The following DNM3 variants were observed in gnomAD, a reference collection of about 807,000 sequenced individuals.
DNM3 encodes dynamin-3.
A neutral mutation model predicts 101.6 loss-of-function variants in DNM3; 47 were observed. That is an observed-to-expected ratio of 0.46 (90% CI 0.37 to 0.59). DNM3 has a LOEUF of 0.59. DNM3 is among the 20% of genes least tolerant of loss of function. The probability of loss-of-function intolerance (pLI) is 0.00; values close to 1 mark genes in which losing one functional copy is unlikely to be tolerated. For synonymous variants in DNM3, 385 were observed against 387.9 expected, an observed-to-expected ratio of 0.99 and a Z score of 0.09; for missense variants, 849 against 1,085.7, an observed-to-expected ratio of 0.78 and a Z score of 3.06.
chr1:172,127,384 A>AATT (rs747494041), intron 13 of DNM3, among the ~76,000 whole-genome samples: 103 of 115,648 alleles, frequency 8.9e-4, no homozygotes, highest in African/African-American at 2.3e-3. Flanking sequence ...CTTACTCTCT[A>AATT]CTTATTATTA....
At position 172,113,368 on chromosome 1, in the gene DNM3, A is replaced by G. The variant is rs78070712; in HGVS notation, c.1546-17807A>G. 4.7e-4 allele frequency among the ~76,000 whole-genome samples: 71 copies of G among 152,010 alleles called. No homozygotes were observed. In the East Asian group the frequency reaches 0.013, roughly 28 times the overall value. Reference sequence around the variant, plus strand: ...CTTTCTGCCACTCCCCCACTTTTTTACAATTGAGGAACAGATGTACTCAAA... The same window carrying G: ...CTTTCTGCCACTCCCCCACTTTTTTGCAATTGAGGAACAGATGTACTCAAA... On this transcript the variant is annotated intron_variant, in intron 13 of 20. Transcript: ENST00000627582.
chr1:172,241,795 T>C (rs2061757992), intron 14 of DNM3, among the ~76,000 whole-genome samples: 3 of 152,142 alleles, frequency 2.0e-5, no homozygotes, highest in Admixed American at 2.0e-4. Flanking sequence ...TGCCGGTCTC[T>C]CATTTGACTC....
chr1:172,232,910 G>A (rs1248890061), intron 14 of DNM3, among the ~76,000 whole-genome samples: 3 of 152,156 alleles, frequency 2.0e-5, no homozygotes, highest in Non-Finnish European at 4.4e-5. Context: ...GAAATTTATA[G>A]CACTAAATGC....
At chr1:171,884,515 T>A (rs910268861) in intron 1 of DNM3, among the ~76,000 whole-genome samples, 8 of 152,230 alleles carry the variant, frequency 5.3e-5, no homozygotes, top group Non-Finnish European at 8.8e-5. Flanking sequence ...CCATTTGCCC[T>A]GCAATAAGCC....
At chr1:172,283,916 A>G (rs1007585668) in intron 15 of DNM3, among the ~76,000 whole-genome samples, 1 of 152,134 alleles carries the variant, frequency 6.6e-6, no homozygotes, top group Non-Finnish European at 1.5e-5. Context: ...CTAAGTTTTT[A>G]TAAAAGGTTG....
At chr1:172,154,383 A>G (rs1406110828) in intron 14 of DNM3, among the ~76,000 whole-genome samples, 1 of 152,010 alleles carries the variant, frequency 6.6e-6, no homozygotes, top group African/African-American at 2.4e-5. Flanking sequence ...AGCATTTGAG[A>G]GTGTGTTTAG....
rs199766401 is a variant in DNM3 at position 171,963,601 on chromosome 1, T to C, written c.236-24055T>C. 7.2e-5 allele frequency among the ~76,000 whole-genome samples: 11 copies of C among 152,222 alleles called. No individual in the cohort carries two copies. In the East Asian group the frequency reaches 1.5e-3, roughly 21 times the overall value. ...GTGATGCATGTTGATATTGGGGTAA[T>C]GCATATGCAGGGGCAGGAGGTGGGA... On this transcript the variant is annotated intron_variant, in intron 2 of 20. Transcript: ENST00000627582.
At chr1:172,034,420 C>A (rs1346342302) in intron 6 of DNM3, among the ~76,000 whole-genome samples, 1 of 151,794 alleles carries the variant, frequency 6.6e-6, no homozygotes, top group Non-Finnish European at 1.5e-5. Context: ...ACAAAAAATA[C>A]AAATAAACTG....
At chr1:171,887,222 C>A (rs927730368) in intron 1 of DNM3, among the ~76,000 whole-genome samples, 3 of 152,110 alleles carry the variant, frequency 2.0e-5, no homozygotes, top group Non-Finnish European at 4.4e-5. Context: ...TTTTAGAAAT[C>A]ATCTAATCTA....
chr1:171,965,575 G>A (rs1043811736), intron 2 of DNM3, among the ~76,000 whole-genome samples: 8 of 151,648 alleles, frequency 5.3e-5, no homozygotes, highest in African/African-American at 1.2e-4. Flanking sequence ...GGGTTGTTGC[G>A]GGGGATGGAT....
intron 14 of DNM3, among the ~76,000 whole-genome samples, chr1:172,179,111 C>T (rs2059257093): frequency 6.6e-6 from 1 of 151,902 alleles, no homozygotes; most frequent in Non-Finnish European, 1.5e-5. Context: ...CAGAATGTCA[C>T]CTCTAATTTT....
Position 172,408,218 on chromosome 1 carries a change from C to A in DNM3, c.*377C>A, listed in dbSNP as rs2071027507. On this transcript the variant is annotated 3_prime_UTR_variant, in exon 21 of 21. Transcript: ENST00000627582. ...CAGATATGAGATAGTGGGCTTAGAC[C>A]TAAGCCATACATATTTCTTTTCCCA... 9.8e-7 allele frequency: 1 copy of A among 1,021,928 alleles called. No homozygotes were observed. The highest frequency in any genetic ancestry group is 5.2e-5 in the Admixed American group (1 of 19,264). 63.3% of individuals were successfully genotyped at this position (1,021,928 alleles called of 1,614,324 possible).
intron 4 of DNM3, among the ~76,000 whole-genome samples, chr1:172,017,221 A>T (rs796234536): frequency 1.8e-4 from 28 of 152,058 alleles, no homozygotes; most frequent in African/African-American, 6.5e-4. Flanking sequence ...TCTAGTTCTT[A>T]TTATTTCTTT....
chr1:172,260,136 G>A (rs1228900946), intron 15 of DNM3, among the ~76,000 whole-genome samples: 1 of 152,092 alleles, frequency 6.6e-6, no homozygotes, highest in Non-Finnish European at 1.5e-5. Context: ...TTGGCACTGT[G>A]AAGATATCAT....
At chr1:172,352,289 C>A (rs777202547) in intron 17 of DNM3, among the ~76,000 whole-genome samples, 3 of 152,144 alleles carry the variant, frequency 2.0e-5, no homozygotes, top group Non-Finnish European at 4.4e-5. Flanking sequence ...CCATTAAAGG[C>A]TAAAAAAGTC....
At chr1:171,860,275 A>C (rs1261602144) in intron 1 of DNM3, among the ~76,000 whole-genome samples, 1 of 152,198 alleles carries the variant, frequency 6.6e-6, no homozygotes, top group Non-Finnish European at 1.5e-5. Flanking sequence ...GTTTTGGTAC[A>C]TGAAGCTACT....
At chr1:172,051,805 GTT>G (rs891402411) in intron 10 of DNM3, among the ~76,000 whole-genome samples, 36 of 152,194 alleles carry the variant, frequency 2.4e-4, no homozygotes, top group South Asian at 6.2e-4. Context: ...TCCATCATTA[GTT>G]TTTTTATCTA....
intron 13 of DNM3, among the ~76,000 whole-genome samples, chr1:172,119,929 A>G (rs2056196926): frequency 6.6e-6 from 1 of 152,064 alleles, no homozygotes; most frequent in Admixed American, 6.6e-5. Flanking sequence ...AAATCTGTCC[A>G]CTTCTCCATA....
At chr1:172,338,759 C>G in intron 17 of DNM3, 1 of 467,116 alleles carries the variant, frequency 2.1e-6, no homozygotes. Flanking sequence ...TACCATATCT[C>G]TTTGTACTTT....
Sources: gnomAD v4.1 joint callset for allele counts (sites outside exome capture counted in the v4.1 genomes callset) on GRCh38, gnomAD v4.1.1 for gene constraint, MANE v1.5 for transcripts, NCBI Gene and HGNC (gene_info 2026-07-23, HGNC 2026-07-21) for gene names.